PTPN14: variants seen among roughly 807,000 people sequenced by gnomAD.
PTPN14 encodes protein tyrosine phosphatase non-receptor type 14.
PTPN14 carries 53 observed loss-of-function variants against 126.8 expected under a neutral mutation model. The ratio of observed to expected loss-of-function variants is 0.42; its 90% CI spans 0.34 to 0.53. The LOEUF (loss-of-function observed/expected upper bound fraction) is 0.53, where lower values mean the gene tolerates loss of function less well. Ranked by LOEUF, PTPN14 falls within the 20% of genes least tolerant of loss-of-function variation. PTPN14 has a pLI of 0.08. For synonymous variants in PTPN14, 630 were observed against 599.3 expected, an observed-to-expected ratio of 1.05 and a Z score of -0.75; for missense variants, 1,257 against 1,552.9, an observed-to-expected ratio of 0.81 and a Z score of 3.20.
At chr1:214,507,600 C>G (rs1654873612) in intron 1 of PTPN14, among the ~76,000 whole-genome samples, 1 of 152,058 alleles carries the variant, frequency 6.6e-6, no homozygotes, top group Non-Finnish European at 1.5e-5. Context: ...TAGACATGAC[C>G]ACTGTTTGCA....
chr1:214,423,564 A>G (rs1303032862), intron 3 of PTPN14, among the ~76,000 whole-genome samples: 1 of 152,122 alleles, frequency 6.6e-6, no homozygotes, highest in Non-Finnish European at 1.5e-5. Context: ...GGCCAGTCTA[A>G]ATTTTGAAAA....
intron 3 of PTPN14, among the ~76,000 whole-genome samples, chr1:214,444,035 C>T (rs567842830): frequency 3.3e-4 from 50 of 152,284 alleles, no homozygotes; most frequent in African/African-American, 1.2e-3. Context: ...ATTACATTCC[C>T]ACTAACTAGC....
chr1:214,424,097 A>C (rs1002508439), intron 3 of PTPN14, among the ~76,000 whole-genome samples: 1 of 152,110 alleles, frequency 6.6e-6, no homozygotes, highest in Non-Finnish European at 1.5e-5. Flanking sequence ...GGAGTTCAAG[A>C]CCAGCCTGGC....
At chr1:214,516,321 G>C (rs941721745) in intron 1 of PTPN14, among the ~76,000 whole-genome samples, 1 of 152,200 alleles carries the variant, frequency 6.6e-6, no homozygotes, top group African/African-American at 2.4e-5. Context: ...CAATGCAAGA[G>C]GCCAAGGTAC....
chr1:214,542,082 A>G (rs1655850905), intron 1 of PTPN14, among the ~76,000 whole-genome samples: 1 of 151,998 alleles, frequency 6.6e-6, no homozygotes, highest in African/African-American at 2.4e-5. Context: ...TCCTTCTGGT[A>G]TTTCCTTATA....
At chr1:214,474,736 A>C (rs1163452147) in intron 1 of PTPN14, among the ~76,000 whole-genome samples, 1 of 152,174 alleles carries the variant, frequency 6.6e-6, no homozygotes, top group African/African-American at 2.4e-5. Flanking sequence ...TCTTGGAATA[A>C]GGGGGTGGCT....
intron 1 of PTPN14, among the ~76,000 whole-genome samples, chr1:214,469,342 T>C (rs1336776048): frequency 3.3e-5 from 5 of 152,180 alleles, no homozygotes; most frequent in Non-Finnish European, 7.3e-5. Context: ...CCTCCTATAT[T>C]TTATGTCCAA....
chr1:214,481,895 G>C (rs61819642), intron 1 of PTPN14, among the ~76,000 whole-genome samples: 10,926 of 151,740 alleles, frequency 0.072, 489 homozygotes, highest in South Asian at 0.11. Flanking sequence ...GCTGAGGCAG[G>C]AGAATGGCGT....
intron 3 of PTPN14, among the ~76,000 whole-genome samples, chr1:214,417,467 T>C (rs528557801): frequency 3.3e-5 from 5 of 152,208 alleles, no homozygotes; most frequent in East Asian, 3.9e-4. Flanking sequence ...CTTCCTCCCA[T>C]AGGAGTTTGA....
At chr1:214,537,027 T>C (rs1171899115) in intron 1 of PTPN14, among the ~76,000 whole-genome samples, 1 of 152,238 alleles carries the variant, frequency 6.6e-6, no homozygotes, top group Admixed American at 6.5e-5. Flanking sequence ...CTATGAAATA[T>C]ACCCACGTCT....
chr1:214,408,683 C>T (rs941238493), intron 5 of PTPN14, among the ~76,000 whole-genome samples: 1 of 152,086 alleles, frequency 6.6e-6, no homozygotes, highest in African/African-American at 2.4e-5. Flanking sequence ...ACTACACATA[C>T]GAAAACTGAT....
At position 214,391,031 on chromosome 1, in the gene PTPN14, G is replaced by A. The variant is rs1571968939; in HGVS notation, c.944C>T (p.Pro315Leu). The A allele has an allele frequency of 1.3e-6, 2 of 1,585,422 alleles. No homozygotes were observed. Among genetic ancestry groups the A allele is most frequent in the Non-Finnish European group, 1.7e-6 (2 of 1,160,680 alleles). ...NKICTEQSNS[P>L]PPIRRQPTWS... The stretch of plus-strand genomic sequence containing the variant: ...GGTGGGCTGGCGTCTGATGGGGGGT[G>A]GAGAATTTGACTGTCTACATGAAGA... The change falls in exon 11 of 19, where the codon CCA becomes CTA. Residue 315 changes from proline to leucine, a missense_variant. Pro to Leu is a moderately conservative substitution (Grantham distance 98, BLOSUM62 -3). Coordinates refer to ENST00000366956, the MANE Select transcript of PTPN14 (RefSeq NM_005401.5).
intron 1 of PTPN14, among the ~76,000 whole-genome samples, chr1:214,478,541 G>T (rs1660915383): frequency 6.6e-6 from 1 of 151,364 alleles, no homozygotes. Context: ...CATTGTATTT[G>T]GAAAAAAAAC....
At chr1:214,535,942 C>G (rs1032216432) in intron 1 of PTPN14, among the ~76,000 whole-genome samples, 1 of 152,114 alleles carries the variant, frequency 6.6e-6, no homozygotes, top group Non-Finnish European at 1.5e-5. Flanking sequence ...CTGTATGATT[C>G]AAGAATCACA....
chr1:214,457,573 G>T (rs1046393545), intron 2 of PTPN14, among the ~76,000 whole-genome samples: 1 of 152,094 alleles, frequency 6.6e-6, no homozygotes, highest in Non-Finnish European at 1.5e-5. Context: ...TTATTAGGAT[G>T]CTTATACTCA....
At chr1:214,530,735 G>A (rs1185871208) in intron 1 of PTPN14, 2 of 150,770 alleles carry the variant, frequency 1.3e-5, no homozygotes, top group African/African-American at 2.5e-5. Flanking sequence ...TCCTTTTGTT[G>A]TCAAAACTAT....
At chr1:214,417,401 A>T (rs939073286) in intron 3 of PTPN14, among the ~76,000 whole-genome samples, 8 of 152,182 alleles carry the variant, frequency 5.3e-5, no homozygotes, top group African/African-American at 1.9e-4. Context: ...TGGGGGCCTC[A>T]TCTATCTAGA....
chr1:214,536,792 C>T (rs1238546194), intron 1 of PTPN14, among the ~76,000 whole-genome samples: 2 of 152,176 alleles, frequency 1.3e-5, no homozygotes, highest in Non-Finnish European at 2.9e-5. Flanking sequence ...ATTATGTCTA[C>T]ACATGAACAT....
intron 4 of PTPN14, 33 bp downstream of exon 4, chr1:214,414,596 G>A (rs367848046): frequency 6.8e-5 from 106 of 1,569,986 alleles, no homozygotes; most frequent in Middle Eastern, 6.7e-4. Context: ...ACAGAAAATG[G>A]AATTTCACAT....
Sources: allele counts gnomAD v4.1 joint callset (sites outside exome capture counted in the v4.1 genomes callset), GRCh38; gene constraint gnomAD v4.1.1; transcripts MANE v1.5; gene names NCBI Gene and HGNC (gene_info 2026-07-23, HGNC 2026-07-21).